The following PIP5K1A variants were observed in gnomAD, a reference collection of about 807,000 sequenced individuals.
PIP5K1A encodes the protein phosphatidylinositol 4-phosphate 5-kinase type-1 alpha.
A neutral mutation model predicts 72.9 loss-of-function variants in PIP5K1A; 46 were observed. That is an observed-to-expected ratio of 0.63 (90% CI 0.50 to 0.81). The LOEUF is 0.81. Ranked by LOEUF, PIP5K1A falls within the 30% of genes least tolerant of loss-of-function variation. PIP5K1A has a pLI of 0.00. For synonymous variants in PIP5K1A, 228 were observed against 255.1 expected, an observed-to-expected ratio of 0.89 and a Z score of 1.01; for missense variants, 458 against 706.1, an observed-to-expected ratio of 0.65 and a Z score of 3.98.
At chr1:151,247,071 C>T in intron 15 of PIP5K1A, 106 bp downstream of exon 15, 2 of 534,892 alleles carry the variant, frequency 3.7e-6, no homozygotes, top group Non-Finnish European at 6.6e-6. Flanking sequence ...GATCTGGGTA[C>T]CTCCTAAATC....
chr1:151,239,046 C>T, intron 10 of PIP5K1A, 84 bp from the exon 11 acceptor site: 2 of 928,076 alleles, frequency 2.2e-6, no homozygotes, highest in Non-Finnish European at 3.5e-6. Flanking sequence ...TTTTCTATTA[C>T]CCCTTTAACC....
In PIP5K1A at chr1:151,240,015, A is replaced by G; in HGVS notation, c.1339A>G (p.Asn447Asp). ...TGAACGGTTCCAGCGCTTCATGTGCAACACAGTATTTAAGAAGATTCCCTG... is the reference window on the plus strand; with the variant it reads ...TGAACGGTTCCAGCGCTTCATGTGCGACACAGTATTTAAGAAGATTCCCTG... ...YAERFQRFMC[N>D]TVFKKIPLKP... The change falls in exon 12 of 16, where the codon AAC becomes GAC. Residue 447 changes from asparagine (N) to aspartate (D), a missense_variant. Physicochemically the swap from Asn to Asp is conservative, Grantham distance 23. This residue lies in a region of PIP5K1A where 157 missense variants were observed against 175.5 expected (regional missense o/e 0.89). Coordinates refer to ENST00000368888, the MANE Select transcript of PIP5K1A (RefSeq NM_001135638.2). 6 of 1,612,588 alleles carry G rather than the reference A, an allele frequency of 3.7e-6. No homozygotes were observed. Among genetic ancestry groups the G allele is most frequent in the Non-Finnish European group, 5.1e-6 (6 of 1,179,042 alleles).
intron 12 of PIP5K1A, 139 bp from the exon 13 acceptor site, chr1:151,241,984 G>A (rs1282683748): frequency 1.3e-6 from 1 of 768,536 alleles, no homozygotes; most frequent in South Asian, 1.6e-5. Context: ...TCATAGGCCT[G>A]TCTTTGTTGA....
chr1:151,239,425 A>G (rs1193278872), intron 11 of PIP5K1A, among the ~76,000 whole-genome samples: 1 of 151,874 alleles, frequency 6.6e-6, no homozygotes, highest in Non-Finnish European at 1.5e-5. Context: ...GGCGCGTGCC[A>G]CCACGCCCAG....
intron 1 of PIP5K1A, among the ~76,000 whole-genome samples, chr1:151,206,156 C>T (rs1212526997): frequency 6.6e-6 from 1 of 152,118 alleles, no homozygotes; most frequent in Non-Finnish European, 1.5e-5. Context: ...GAACTTTTTT[C>T]CCTCAACCCC....
chr1:151,200,385 G>A (rs918990307), intron 1 of PIP5K1A, among the ~76,000 whole-genome samples: 1 of 147,140 alleles, frequency 6.8e-6, no homozygotes. Flanking sequence ...GCAGTAGATT[G>A]TGTGTAGGGG....
chr1:151,206,035 C>T (rs587736513), intron 1 of PIP5K1A, among the ~76,000 whole-genome samples: 23 of 152,262 alleles, frequency 1.5e-4, no homozygotes, highest in African/African-American at 5.5e-4. Flanking sequence ...TTGCACCTCA[C>T]TTCTCTGCCC....
At chr1:151,242,416 A>G in intron 13 of PIP5K1A, 22 bp from the exon 14 acceptor site, 2 of 1,613,612 alleles carry the variant, frequency 1.2e-6, no homozygotes, top group Non-Finnish European at 1.7e-6. Flanking sequence ...ACTGTACCCC[A>G]TCTTCTCTAT....
chr1:151,232,196 C>G, intron 5 of PIP5K1A, 52 bp from the exon 6 acceptor site: 2 of 1,207,448 alleles, frequency 1.7e-6, no homozygotes, highest in Non-Finnish European at 1.2e-6. Context: ...AAGGTAGATT[C>G]TCTGGATGAT....
At chr1:151,213,904 A>G (rs1490030091) in intron 1 of PIP5K1A, among the ~76,000 whole-genome samples, 2 of 152,202 alleles carry the variant, frequency 1.3e-5, no homozygotes, top group Non-Finnish European at 2.9e-5. Context: ...GTAAGGAAAA[A>G]TAGAAATTTA....
chr1:151,232,529 A>G (rs964622534), intron 6 of PIP5K1A, 22 bp from the exon 7 acceptor site: 1 of 1,590,220 alleles, frequency 6.3e-7, no homozygotes, highest in Middle Eastern at 1.7e-4. Context: ...TAAATCTCTT[A>G]GTTCTTCTCT....
intron 4 of PIP5K1A, among the ~76,000 whole-genome samples, chr1:151,231,142 G>A (rs970449172): frequency 6.2e-5 from 9 of 145,440 alleles, no homozygotes; most frequent in African/African-American, 1.0e-4. Flanking sequence ...GGGAGGCAAA[G>A]TTTGCAGTGA....
chr1:151,240,564 C>G (rs1258332834), intron 12 of PIP5K1A, among the ~76,000 whole-genome samples: 1 of 152,208 alleles, frequency 6.6e-6, no homozygotes. Flanking sequence ...TCTTTCCCTT[C>G]TTCTCATATT....
chr1:151,216,814 GTTAC>G (rs2102265499), intron 1 of PIP5K1A, among the ~76,000 whole-genome samples: 1 of 149,300 alleles, frequency 6.7e-6, no homozygotes, highest in East Asian at 2.0e-4. Flanking sequence ...AGTACATGTT[GTTAC>G]TTCCACATTT....
At chr1:151,205,255 A>C (rs1027720798) in intron 1 of PIP5K1A, among the ~76,000 whole-genome samples, 3 of 152,132 alleles carry the variant, frequency 2.0e-5, no homozygotes, top group Admixed American at 2.0e-4. Flanking sequence ...GGCTCACTGC[A>C]GCCCTTGCCT....
intron 1 of PIP5K1A, among the ~76,000 whole-genome samples, chr1:151,214,527 A>G (rs1328107634): frequency 6.6e-6 from 1 of 151,508 alleles, no homozygotes; most frequent in Non-Finnish European, 1.5e-5. Flanking sequence ...ATTACAGGTG[A>G]TCGCCACCAT....
rs75189619 is a variant in PIP5K1A, at chr1:151,228,522, A to G, written c.237+1122A>G. 4.5e-3 allele frequency among the ~76,000 whole-genome samples: 684 copies of G among 152,218 alleles called. 6 individuals carry two copies. The highest frequency in any genetic ancestry group is 0.016 in the African/African-American group (649 of 41,534). On this transcript the variant is annotated intron_variant, in intron 4 of 15. Transcript: ENST00000368888. ...GGACATCTGCTTTTTTGAGCTCTGA[A>G]TATCAAATGGACTGGAAAGGAGCAG... is the stretch of plus-strand genomic sequence containing the variant.
chr1:151,230,741 C>T (rs897692282), intron 4 of PIP5K1A, among the ~76,000 whole-genome samples: 1 of 152,212 alleles, frequency 6.6e-6, no homozygotes, highest in Non-Finnish European at 1.5e-5. Flanking sequence ...GGTTTCACCA[C>T]ATTGGCCAGG....
At chr1:151,209,151 A>G (rs1686414684) in intron 1 of PIP5K1A, among the ~76,000 whole-genome samples, 1 of 152,070 alleles carries the variant, frequency 6.6e-6, no homozygotes, top group Non-Finnish European at 1.5e-5. Context: ...TCCCACCTGC[A>G]GGCGTATAGA....
Sources: allele counts gnomAD v4.1 joint callset (sites outside exome capture counted in the v4.1 genomes callset), GRCh38; gene constraint gnomAD v4.1.1; regional missense constraint gnomAD v4.1.1; transcripts MANE v1.5; gene names NCBI Gene and HGNC (gene_info 2026-07-23, HGNC 2026-07-21).